Variants in TLE4 observed in about 807,000 individuals in gnomAD.
The protein encoded by TLE4 is TLE family member 4, transcriptional corepressor.
In TLE4, 8 loss-of-function variants were observed where a neutral mutation model predicts 92.8. That is an observed-to-expected ratio of 0.09 (90% CI 0.05 to 0.16). The LOEUF (loss-of-function observed/expected upper bound fraction) is 0.16. Ranked by LOEUF, TLE4 falls within the 10% of genes least tolerant of loss-of-function variation. The pLI, the probability that TLE4 is intolerant of heterozygous loss-of-function variation, is 1.00. For synonymous variants in TLE4, 371 were observed against 374.1 expected, an observed-to-expected ratio of 0.99 and a Z score of 0.10; for missense variants, 675 against 997.6, an observed-to-expected ratio of 0.68 and a Z score of 4.36.
chr9:79,689,853 T>G (rs1237686143), intron 8 of TLE4, among the ~76,000 whole-genome samples: 6 of 152,200 alleles, frequency 3.9e-5, no homozygotes, highest in African/African-American at 1.4e-4. Flanking sequence ...GGTTGTCAAC[T>G]TTAGAATCAC....
chr9:79,597,072 AGGT>A (rs1383525109), intron 4 of TLE4, among the ~76,000 whole-genome samples: 1 of 152,124 alleles, frequency 6.6e-6, no homozygotes, highest in Non-Finnish European at 1.5e-5. Flanking sequence ...CATATCATCC[AGGT>A]TTTACACACT....
chr9:79,722,527 A>G lies in TLE4; in HGVS notation c.2063A>G (p.His688Arg). Reference protein sequence around the residue: ...GMENSNVEVLHVTKPDKYQLH... With the variant: ...GMENSNVEVLRVTKPDKYQLH... ...GAGAACAGCAATGTGGAAGTTTTGC[A>G]TGTCACCAAGCCAGACAAATACCAA... Residue 688 changes from histidine to arginine, a missense_variant, in exon 18 of 20, where the codon CAT becomes CGT. By Grantham distance (29) the His-to-Arg change is conservative. This residue lies in a region of TLE4 where 170 missense variants were observed against 359.6 expected (regional missense o/e 0.47). Coordinates refer to ENST00000376552, the MANE Select transcript of TLE4 (RefSeq NM_007005.6). 1.2e-6 allele frequency: 2 copies of G among 1,614,218 alleles called. No homozygotes were observed. Among genetic ancestry groups the G allele is most frequent in the Non-Finnish European group, 1.7e-6 (2 of 1,180,040 alleles).
chr9:79,593,546 T>C (rs954302765), intron 4 of TLE4, among the ~76,000 whole-genome samples: 4 of 152,192 alleles, frequency 2.6e-5, no homozygotes, highest in Non-Finnish European at 4.4e-5. Context: ...CTAAGTTAGA[T>C]TGAGGCCTTT....
intron 8 of TLE4, among the ~76,000 whole-genome samples, chr9:79,686,630 A>G (rs769529301): frequency 6.6e-6 from 1 of 152,228 alleles, no homozygotes; most frequent in Non-Finnish European, 1.5e-5. Context: ...TGCTGCCACA[A>G]ACCGAAGAAT....
Position 79,706,917 on chromosome 9 carries a change from ATC to A in TLE4, c.936+24_936+25del. ...TTAGCCTTGTAAGCAGCTCCTTACC[ATC>A]TCTCTGAGTGTGGCCTCTGCCAATT... On this transcript the variant is annotated intron_variant, in intron 11 of 19. Coordinates refer to ENST00000376552, the MANE Select transcript of TLE4 (RefSeq NM_007005.6). The A allele has an allele frequency of 6.2e-7, 1 of 1,612,552 alleles. No individual in the cohort carries two copies. Among genetic ancestry groups the A allele is most frequent in the East Asian group, 2.2e-5 (1 of 44,876 alleles).
At chr9:79,718,167 A>G (rs906252302) in intron 14 of TLE4, 2 of 429,116 alleles carry the variant, frequency 4.7e-6, no homozygotes, top group African/African-American at 4.2e-5. Context: ...AGGTTTTAAA[A>G]TAGGGCTTTA....
intron 8 of TLE4, among the ~76,000 whole-genome samples, chr9:79,683,214 T>G (rs952904360): frequency 3.9e-5 from 6 of 152,222 alleles, no homozygotes; most frequent in Admixed American, 6.5e-5. Context: ...TTTTTAAGAT[T>G]GATTCTTTCC....
intron 4 of TLE4, among the ~76,000 whole-genome samples, chr9:79,610,215 TA>T (rs1275298796): frequency 6.6e-6 from 1 of 152,080 alleles, no homozygotes; most frequent in Non-Finnish European, 1.5e-5. Context: ...GGGCCCTAAT[TA>T]CATTACAATG....
At chr9:79,578,690 A>G (rs745722514) in intron 4 of TLE4, among the ~76,000 whole-genome samples, 2 of 152,194 alleles carry the variant, frequency 1.3e-5, no homozygotes, top group South Asian at 4.1e-4. Context: ...ATTAGTACCA[A>G]TTAAAGTACA....
intron 5 of TLE4, among the ~76,000 whole-genome samples, 170 bp from the exon 6 acceptor site, chr9:79,627,204 A>G (rs974734992): frequency 6.6e-6 from 1 of 152,194 alleles, no homozygotes; most frequent in Non-Finnish European, 1.5e-5. Flanking sequence ...GTGGACCCAG[A>G]TGTACCCTAG....
intron 6 of TLE4, among the ~76,000 whole-genome samples, chr9:79,641,539 T>C (rs1328765916): frequency 6.6e-6 from 1 of 152,196 alleles, no homozygotes; most frequent in Non-Finnish European, 1.5e-5. Flanking sequence ...CTAGGCTTCC[T>C]TTTACTTCAC....
At chr9:79,673,761 A>G (rs1476486105) in intron 8 of TLE4, among the ~76,000 whole-genome samples, 1 of 152,176 alleles carries the variant, frequency 6.6e-6, no homozygotes, top group East Asian at 1.9e-4. Context: ...CTTGTCAACC[A>G]CCAAAACCAC....
chr9:79,646,072 T>TAC, intron 6 of TLE4, among the ~76,000 whole-genome samples: 1 of 150,350 alleles, frequency 6.7e-6, no homozygotes, highest in Non-Finnish European at 1.5e-5. Context: ...TTCTAAAGCC[T>TAC]ATATATATAT....
intron 1 of TLE4, 137 bp from the exon 2 acceptor site, chr9:79,573,552 G>A (rs2036596392): frequency 4.8e-6 from 4 of 833,032 alleles, no homozygotes; most frequent in Admixed American, 3.4e-5. Context: ...GAGGGTTGCG[G>A]GAGGAGAGTT....
intron 8 of TLE4, among the ~76,000 whole-genome samples, chr9:79,655,657 A>G (rs973276869): frequency 1.3e-5 from 2 of 152,242 alleles, no homozygotes; most frequent in Non-Finnish European, 2.9e-5. Flanking sequence ...AGACTAAAAA[A>G]GCATTCTTAA....
intron 6 of TLE4, among the ~76,000 whole-genome samples, chr9:79,633,378 A>G (rs937650594): frequency 1.3e-5 from 2 of 152,136 alleles, no homozygotes; most frequent in Non-Finnish European, 2.9e-5. Context: ...CTAGCCAGCA[A>G]TGCTACAATT....
intron 8 of TLE4, among the ~76,000 whole-genome samples, chr9:79,656,228 G>C (rs1324898111): frequency 1.3e-5 from 2 of 152,076 alleles, no homozygotes; most frequent in African/African-American, 4.8e-5. Flanking sequence ...TCCATCGATC[G>C]TCCTCCCATA....
chr9:79,701,327 A>G (rs1457494757), intron 8 of TLE4, among the ~76,000 whole-genome samples: 1 of 152,252 alleles, frequency 6.6e-6, no homozygotes, highest in Admixed American at 6.5e-5. Flanking sequence ...CTTCAAAAAT[A>G]CAACGCTGCC....
chr9:79,586,680 T>C (rs1336679724), intron 4 of TLE4, among the ~76,000 whole-genome samples: 1 of 152,196 alleles, frequency 6.6e-6, no homozygotes, highest in Non-Finnish European at 1.5e-5. Context: ...TAATCATAAG[T>C]AGAAGAAGGG....
Sources: allele counts gnomAD v4.1 joint callset (sites outside exome capture counted in the v4.1 genomes callset), GRCh38; gene constraint gnomAD v4.1.1; regional missense constraint gnomAD v4.1.1; transcripts MANE v1.5; gene names NCBI Gene and HGNC (gene_info 2026-07-23, HGNC 2026-07-21).